MCHR2: variants seen among roughly 807,000 people sequenced by gnomAD.
MCHR2 encodes the protein melanin concentrating hormone receptor 2.
MCHR2 carries 15 observed loss-of-function variants against 24.8 expected under a neutral mutation model. The ratio of observed to expected loss-of-function variants is 0.60; its 90% confidence interval spans 0.40 to 0.93. The LOEUF (loss-of-function observed/expected upper bound fraction) is 0.93, where lower values mean the gene tolerates loss of function less well. Ranked by LOEUF, MCHR2 falls within the 40% of genes least tolerant of loss-of-function variation. MCHR2 has a pLI of 0.00. For synonymous variants in MCHR2, 151 were observed against 147.6 expected (o/e 1.02, Z -0.17); for missense variants, 386 against 408.7 (o/e 0.94, Z 0.48).
At chr6:99,975,108 A>G (rs1284512154) in intron 1 of MCHR2, among the ~76,000 whole-genome samples, 1 of 152,206 alleles carries the variant, frequency 6.6e-6, no homozygotes, top group Non-Finnish European at 1.5e-5. Flanking sequence ...GCTGTCAGAC[A>G]GGGACATTTA....
intron 3 of MCHR2, among the ~76,000 whole-genome samples, chr6:99,946,013 C>A (rs867594499): frequency 1.3e-5 from 2 of 151,534 alleles, no homozygotes; most frequent in Non-Finnish European, 1.5e-5. Context: ...TAGGAGTATA[C>A]CTGTTTATTT....
At chr6:99,940,380 C>T (rs2397435) in intron 4 of MCHR2, among the ~76,000 whole-genome samples, 43,936 of 151,698 alleles carry the variant, frequency 0.29, 7,406 homozygotes, top group Admixed American at 0.41. Flanking sequence ...TTTTTAGTAA[C>T]TTTTTCAGTT....
intron 1 of MCHR2, among the ~76,000 whole-genome samples, chr6:99,957,465 C>T (rs1057110746): frequency 2.0e-5 from 3 of 152,008 alleles, no homozygotes; most frequent in Non-Finnish European, 4.4e-5. Flanking sequence ...ATTGAATCTC[C>T]CCTGAAGAGA....
chr6:99,949,796 A>G (rs1470864498), intron 2 of MCHR2, among the ~76,000 whole-genome samples: 2 of 151,946 alleles, frequency 1.3e-5, no homozygotes, highest in Non-Finnish European at 2.9e-5. Flanking sequence ...CAAACAAAAG[A>G]CCAGCCAGCT....
At chr6:99,982,289 C>T (rs1004305850) in intron 1 of MCHR2, among the ~76,000 whole-genome samples, 1 of 151,774 alleles carries the variant, frequency 6.6e-6, no homozygotes, top group Non-Finnish European at 1.5e-5. Context: ...CTTCCCCAAC[C>T]CTACTCAGGA....
chr6:99,974,231 C>T (rs539507722), intron 1 of MCHR2, among the ~76,000 whole-genome samples: 2 of 152,010 alleles, frequency 1.3e-5, no homozygotes, highest in South Asian at 2.1e-4. Context: ...TCACATAGTC[C>T]CATATTTCTT....
At chr6:99,991,569 A>G (rs535892491) in intron 1 of MCHR2, among the ~76,000 whole-genome samples, 55 of 152,212 alleles carry the variant, frequency 3.6e-4, no homozygotes, top group African/African-American at 1.3e-3. Flanking sequence ...GCACTTTGGG[A>G]GGCCGAGGCA....
At chr6:99,939,285 G>A (rs1173813900) in intron 4 of MCHR2, among the ~76,000 whole-genome samples, 1 of 151,822 alleles carries the variant, frequency 6.6e-6, no homozygotes, top group South Asian at 2.1e-4. Flanking sequence ...CTTCCTTTGT[G>A]GAAAAGTGAA....
intron 5 of MCHR2, among the ~76,000 whole-genome samples, chr6:99,928,466 C>T (rs1774423193): frequency 6.6e-6 from 1 of 152,034 alleles, no homozygotes; most frequent in African/African-American, 2.4e-5. Context: ...CCATCTGGTC[C>T]TGGACTCTTT....
chr6:99,928,313 T>C (rs925044506), intron 5 of MCHR2, among the ~76,000 whole-genome samples: 1 of 152,112 alleles, frequency 6.6e-6, no homozygotes, highest in Admixed American at 6.6e-5. Flanking sequence ...TTGGTTGTGT[T>C]TCTGCCCGGC....
intron 4 of MCHR2, 45 bp downstream of exon 4, chr6:99,942,904 T>C: frequency 1.3e-6 from 2 of 1,514,888 alleles, no homozygotes; most frequent in Non-Finnish European, 1.8e-6. Context: ...ATGAAGTTCT[T>C]CACAACTTAA....
chr6:99,973,081 G>A (rs533770081), intron 1 of MCHR2, among the ~76,000 whole-genome samples: 68 of 151,884 alleles, frequency 4.5e-4, no homozygotes, highest in African/African-American at 1.5e-3. Context: ...TATTAGGTCC[G>A]CTTGGTGCAG....
At chr6:99,925,861 T>G (rs910748328) in intron 5 of MCHR2, among the ~76,000 whole-genome samples, 156 of 151,588 alleles carry the variant, frequency 1.0e-3, no homozygotes, top group Non-Finnish European at 9.3e-4. Flanking sequence ...TACTTTAAGT[T>G]TTAGGGTACA....
At chr6:99,988,279 T>G (rs1266104168) in intron 1 of MCHR2, among the ~76,000 whole-genome samples, 1 of 152,202 alleles carries the variant, frequency 6.6e-6, no homozygotes, top group East Asian at 1.9e-4. Flanking sequence ...GTCTTTTCCT[T>G]CTTTTCCACT....
intron 1 of MCHR2, among the ~76,000 whole-genome samples, chr6:99,959,780 A>G (rs892345976): frequency 3.3e-5 from 5 of 149,874 alleles, no homozygotes; most frequent in Admixed American, 1.3e-4. Context: ...TTTGAAGACA[A>G]CTCATTTGAA....
intron 4 of MCHR2, among the ~76,000 whole-genome samples, chr6:99,939,329 T>C (rs1349720011): frequency 5.9e-5 from 9 of 152,170 alleles, no homozygotes; most frequent in African/African-American, 2.2e-4. Flanking sequence ...TCATTCCTTT[T>C]TATTTTTAAA....
At chr6:99,970,339 T>G (rs1001736387) in intron 1 of MCHR2, among the ~76,000 whole-genome samples, 190 of 152,334 alleles carry the variant, frequency 1.2e-3, no homozygotes, top group African/African-American at 4.5e-3. Flanking sequence ...CATGTGTTTT[T>G]TGGCTGCATA....
rs1358512574 is a variant in MCHR2 at position 99,929,281 on chromosome 6, G to A, written c.707+5117C>T. Among the ~76,000 whole-genome samples, 3 of 152,086 alleles carry A rather than the reference G, an allele frequency of 2.0e-5. No individual in the cohort carries two copies. The East Asian group carries it at 5.8e-4, about 29-fold the overall frequency. ...AAGTATGTGGTCAATTTTGGAATAG[G>A]TGTGGTGTGGTGCTGAAAAAAATGT... On this transcript the variant is annotated intron_variant, in intron 5 of 5. Transcript: ENST00000281806.
chr6:99,971,822 G>C lies in MCHR2; in HGVS notation c.-27-15648C>G, dbSNP rs575131936. On this transcript the variant is annotated intron_variant, in intron 1 of 5. Transcript: ENST00000281806. ...TTTCTGCATCTATTGAGATAATCAT[G>C]TGGTTTTTGTCTTTGGTTCTGTTTA... Among the ~76,000 whole-genome samples, 24 of 152,270 alleles carry C rather than the reference G, an allele frequency of 1.6e-4. No individual in the cohort carries two copies. In the East Asian group the frequency reaches 4.6e-3, roughly 29 times the overall value.
Sources: allele counts gnomAD v4.1 joint callset (sites outside exome capture counted in the v4.1 genomes callset), GRCh38; gene constraint gnomAD v4.1.1; transcripts MANE v1.5; gene names NCBI Gene and HGNC (gene_info 2026-07-23, HGNC 2026-07-21).